NETO1: variants seen among roughly 807,000 people sequenced by gnomAD.
NETO1 encodes the protein neuropilin and tolloid like 1.
Under a neutral mutation model 61.3 loss-of-function variants are expected in NETO1, and 26 were observed. The observed-to-expected ratio is 0.42, with a 90% CI of 0.31 to 0.59. The LOEUF (loss-of-function observed/expected upper bound fraction) is 0.59, where lower values mean the gene tolerates loss of function less well. Among genes scored for constraint, NETO1 ranks in the 20% least tolerant of loss-of-function variants. The pLI is 0.12. For synonymous variants in NETO1, 225 were observed against 225.8 expected (o/e 1.00, Z 0.03); for missense variants, 531 against 662.8 (o/e 0.80, Z 2.18).
intron 4 of NETO1, among the ~76,000 whole-genome samples, chr18:72,809,807 C>T (rs1174983337): frequency 6.6e-6 from 1 of 152,206 alleles, no homozygotes; most frequent in African/African-American, 2.4e-5. Context: ...GGAAAATACC[C>T]TCAGAAAATT....
At chr18:72,771,836 T>C (rs1290194493) in intron 7 of NETO1, among the ~76,000 whole-genome samples, 1 of 152,216 alleles carries the variant, frequency 6.6e-6, no homozygotes, top group Non-Finnish European at 1.5e-5. Context: ...TGCATTATTT[T>C]CTACTGCTGA....
chr18:72,763,479 A>G (rs1732897793), intron 7 of NETO1, among the ~76,000 whole-genome samples: 1 of 151,364 alleles, frequency 6.6e-6, no homozygotes, highest in South Asian at 2.1e-4. Flanking sequence ...AAATTATTTT[A>G]ACTTCTTTAA....
chr18:72,756,291 A>G, intron 7 of NETO1, 144 bp from the exon 8 acceptor site: 1 of 535,628 alleles, frequency 1.9e-6, no homozygotes, highest in Non-Finnish European at 3.4e-6. Flanking sequence ...ATTTTCAGAA[A>G]CGGTGCCGTA....
intron 4 of NETO1, among the ~76,000 whole-genome samples, chr18:72,803,706 A>G (rs922231349): frequency 9.2e-5 from 14 of 152,090 alleles, no homozygotes; most frequent in Admixed American, 5.9e-4. Context: ...CTGTAATCCC[A>G]GATACTCGGG....
chr18:72,771,443 C>T (rs1341279817), intron 7 of NETO1, among the ~76,000 whole-genome samples: 2 of 152,118 alleles, frequency 1.3e-5, no homozygotes, highest in Non-Finnish European at 2.9e-5. Context: ...GTGAGTCACA[C>T]ACTTGAGTTG....
intron 7 of NETO1, among the ~76,000 whole-genome samples, chr18:72,772,341 G>C (rs2071379239): frequency 6.6e-6 from 1 of 152,052 alleles, no homozygotes; most frequent in Admixed American, 6.6e-5. Flanking sequence ...AAGATCCCAA[G>C]AGTATAACCC....
At chr18:72,835,840 A>G (rs4891488) in intron 4 of NETO1, among the ~76,000 whole-genome samples, 41,101 of 152,176 alleles carry the variant, frequency 0.27, 7,014 homozygotes, top group South Asian at 0.4. Context: ...TGGAAAACAC[A>G]TATGATTTAT....
At chr18:72,841,504 G>A (rs1294580872) in intron 4 of NETO1, among the ~76,000 whole-genome samples, 1 of 151,870 alleles carries the variant, frequency 6.6e-6, no homozygotes, top group Admixed American at 6.6e-5. Context: ...AGGCTGAGGC[G>A]GGTGGATCAC....
At position 72,867,271 on chromosome 18, in the gene NETO1, C is replaced by A. The variant is rs1441514841; in HGVS notation, c.21G>T (p.Val7=). 6.4e-7 allele frequency: 1 copy of A among 1,566,866 alleles called. No individual in the cohort carries two copies. ...GGCGGGGAGGGTACTCACTGTGAAG[C>A]ACGCTGCGCCCATGGATCATGTCTG... MIHGRS[V]LHIVASLIIL... is the part of the protein sequence containing the mutation. The change falls in exon 1 of 11, where the codon GTG becomes GTT. Residue 7 remains valine (V), a synonymous_variant. Coordinates refer to ENST00000327305, the MANE Select transcript of NETO1 (RefSeq NM_138966.5).
intron 3 of NETO1, among the ~76,000 whole-genome samples, chr18:72,860,688 A>T (rs908042449): frequency 1.3e-5 from 2 of 152,174 alleles, no homozygotes; most frequent in East Asian, 3.9e-4. Flanking sequence ...ACAAATGAGT[A>T]ACCACAATAA....
At chr18:72,755,569 T>C (rs1386207928) in intron 8 of NETO1, among the ~76,000 whole-genome samples, 1 of 152,092 alleles carries the variant, frequency 6.6e-6, no homozygotes, top group Non-Finnish European at 1.5e-5. Flanking sequence ...AAGAAAAGCA[T>C]TTTCGTAGCA....
intron 8 of NETO1, among the ~76,000 whole-genome samples, chr18:72,751,226 T>C (rs1055300125): frequency 7.2e-5 from 11 of 152,132 alleles, no homozygotes; most frequent in African/African-American, 2.7e-4. Flanking sequence ...CTCAACCAAT[T>C]AAAGCCTGGT....
At chr18:72,853,290 T>G (rs2074311555) in intron 4 of NETO1, 1 of 152,084 alleles carries the variant, frequency 6.6e-6, no homozygotes, top group Non-Finnish European at 1.5e-5. Flanking sequence ...ATATTTTGAG[T>G]CAGTAGTATA....
chr18:72,816,092 C>A (rs1162564416), intron 4 of NETO1, among the ~76,000 whole-genome samples: 2 of 151,940 alleles, frequency 1.3e-5, no homozygotes, highest in Non-Finnish European at 2.9e-5. Context: ...CTTCTCTCCC[C>A]CTCTCCTCCA....
rs190494768 is a variant in NETO1, at chr18:72,802,252, G to A, written c.470-7848C>T. 2.0e-3 allele frequency among the ~76,000 whole-genome samples: 307 copies of A among 152,042 alleles called. 1 individual carries two copies. The highest frequency in any genetic ancestry group is 6.9e-3 in the African/African-American group (288 of 41,506). ...TCAAACTCAAAATAGTGAACTCATT[G>A]AAATGTCTCACAGTTATTGTGAGAC... is the stretch of plus-strand genomic sequence containing the variant. On this transcript the variant is annotated intron_variant, in intron 4 of 10. Coordinates refer to ENST00000327305, the MANE Select transcript of NETO1 (RefSeq NM_138966.5).
intron 7 of NETO1, 29 bp downstream of exon 7, chr18:72,783,649 G>C (rs2071816634): frequency 1.3e-6 from 2 of 1,599,262 alleles, no homozygotes; most frequent in Middle Eastern, 3.3e-4. Flanking sequence ...ATATACGAAG[G>C]AAAAATAGTC....
intron 4 of NETO1, among the ~76,000 whole-genome samples, chr18:72,820,518 C>T (rs943330804): frequency 1.3e-5 from 2 of 152,250 alleles, no homozygotes; most frequent in East Asian, 1.9e-4. Flanking sequence ...CATCAGACTA[C>T]TTTACTATAG....
At chr18:72,815,198 A>C (rs1221697256) in intron 4 of NETO1, among the ~76,000 whole-genome samples, 4 of 152,180 alleles carry the variant, frequency 2.6e-5, no homozygotes, top group Non-Finnish European at 5.9e-5. Context: ...TAAAAATCAA[A>C]ATCTGAAAAG....
At chr18:72,775,416 G>C (rs2071513207) in intron 7 of NETO1, among the ~76,000 whole-genome samples, 1 of 152,064 alleles carries the variant, frequency 6.6e-6, no homozygotes, top group Non-Finnish European at 1.5e-5. Context: ...GTAAAAATAT[G>C]ATGGCTAAAA....
Sources: gnomAD v4.1 joint callset for allele counts (sites outside exome capture counted in the v4.1 genomes callset) on GRCh38, gnomAD v4.1.1 for gene constraint, MANE v1.5 for transcripts, NCBI Gene and HGNC (gene_info 2026-07-23, HGNC 2026-07-21) for gene names.